The following MMRN1 variants were observed in gnomAD, a reference collection of about 807,000 sequenced individuals.
The protein encoded by MMRN1 is multimerin 1, also known as multimerin-1.
Under a neutral mutation model 100.7 loss-of-function variants are expected in MMRN1, and 94 were observed. The ratio of observed to expected loss-of-function variants is 0.93; its 90% CI spans 0.79 to 1.11. The LOEUF (loss-of-function observed/expected upper bound fraction) is 1.11, where lower values mean the gene tolerates loss of function less well. Among genes scored for constraint, MMRN1 ranks in the 50% least tolerant of loss-of-function variants. The pLI, the probability that MMRN1 is intolerant of heterozygous loss-of-function variation, is 0.00. For synonymous variants in MMRN1, 575 were observed against 505.0 expected (o/e 1.14, Z -1.86); for missense variants, 1,606 against 1,439.1 (o/e 1.12, Z -1.88).
At chr4:89,884,322 G>T (rs754036979) in intron 1 of MMRN1, among the ~76,000 whole-genome samples, 1 of 152,026 alleles carries the variant, frequency 6.6e-6, no homozygotes. Flanking sequence ...AAGTTTTCCA[G>T]TCCTTGAACT....
chr4:89,924,543 TA>T (rs1347488928), intron 4 of MMRN1, among the ~76,000 whole-genome samples: 6 of 151,474 alleles, frequency 4.0e-5, no homozygotes, highest in Non-Finnish European at 7.4e-5. Context: ...AATTTTTAAT[TA>T]AAAATTTAAG....
At chr4:89,947,475 T>C (rs1417821006) in intron 6 of MMRN1, among the ~76,000 whole-genome samples, 1 of 152,182 alleles carries the variant, frequency 6.6e-6, no homozygotes, top group African/African-American at 2.4e-5. Context: ...TTTCTATATG[T>C]CAGGCACTGT....
At chr4:89,925,558 G>GCC (rs2110618570) in intron 4 of MMRN1, among the ~76,000 whole-genome samples, 1 of 151,428 alleles carries the variant, frequency 6.6e-6, no homozygotes, top group East Asian at 1.9e-4. Flanking sequence ...TAGGCTGGGT[G>GCC]TGGTGGCTCA....
chr4:89,914,906 C>T (rs1198046365), intron 3 of MMRN1, among the ~76,000 whole-genome samples: 1 of 151,402 alleles, frequency 6.6e-6, no homozygotes, highest in Non-Finnish European at 1.5e-5. Context: ...ATGAAGAAAA[C>T]TTGTTTGCAA....
chr4:89,953,268 T>A lies in MMRN1; in HGVS notation c.3537T>A (p.Ser1179Arg). The part of the protein sequence containing the change: ...KLAFESENIN[S>R]EIHCDRVLTG... ...CATTTGAGTCTGAAAATATTAACAG[T>A]GAAATACACTGTGATAGGGTTTTAA... Residue 1179 changes from serine to arginine, a missense_variant, in exon 8 of 8, where the codon AGT becomes AGA. Ser to Arg is a moderately radical substitution (Grantham distance 110, BLOSUM62 -1). Transcript: ENST00000264790. 2 of 1,613,894 alleles carry A rather than the reference T, an allele frequency of 1.2e-6. No individual in the cohort carries two copies. Among genetic ancestry groups the A allele is most frequent in the Non-Finnish European group, 1.7e-6 (2 of 1,179,856 alleles).
chr4:89,949,173 T>A (rs1335474293), intron 6 of MMRN1, among the ~76,000 whole-genome samples: 1 of 152,164 alleles, frequency 6.6e-6, no homozygotes, highest in Non-Finnish European at 1.5e-5. Context: ...CCAACAGCAA[T>A]GCAGATAAAT....
At chr4:89,904,362 A>T (rs1721490684) in intron 1 of MMRN1, among the ~76,000 whole-genome samples, 1 of 151,766 alleles carries the variant, frequency 6.6e-6, no homozygotes, top group Non-Finnish European at 1.5e-5. Flanking sequence ...ATTGTTTTGC[A>T]GTCATCACTG....
In MMRN1 at chr4:89,911,983, T is replaced by C. The variant is rs748544260; in HGVS notation, c.783T>C (p.His261=). ...CCAATCCTGTCTATAGGATGCAACA[T>C]AAAATTGTCACCTCATTGGATTGGA... ...KISNPVYRMQ[H]KIVTSLDWRC... Residue 261 remains histidine (H), a synonymous_variant, in exon 3 of 8, where the codon CAT becomes CAC. Coordinates refer to ENST00000264790, the MANE Select transcript of MMRN1 (RefSeq NM_007351.3). 1.0e-5 allele frequency: 16 copies of C among 1,604,554 alleles called. No homozygotes were observed. Among genetic ancestry groups the C allele is most frequent in the Non-Finnish European group, 1.3e-5 (15 of 1,174,320 alleles).
rs1722573933 is a variant in MMRN1 at position 89,935,274 on chromosome 4, G to A, written c.1594G>A (p.Ala532Thr). 1 of 1,613,732 alleles carries A rather than the reference G, an allele frequency of 6.2e-7. No individual in the cohort carries two copies. Among genetic ancestry groups the A allele is most frequent in the East Asian group, 2.2e-5 (1 of 44,846 alleles). The stretch of plus-strand genomic sequence containing the variant: ...TGAACAGGTATCAGACCAGAAGAAT[G>A]CTCCAGCTGCTGAGTCAGTTAGCAA... The part of the protein sequence containing the change: ...STEQVSDQKN[A>T]PAAESVSNNV... The change falls in exon 6 of 8, where the codon GCT becomes ACT. Residue 532 changes from alanine to threonine, a missense_variant. Coordinates refer to ENST00000264790, the MANE Select transcript of MMRN1 (RefSeq NM_007351.3).
chr4:89,929,005 C>T (rs565622806), intron 5 of MMRN1, among the ~76,000 whole-genome samples: 2 of 152,148 alleles, frequency 1.3e-5, no homozygotes, highest in East Asian at 1.9e-4. Flanking sequence ...CCACTTGACA[C>T]TTGCAACAAA....
chr4:89,897,186 G>A (rs558373133), intron 1 of MMRN1, among the ~76,000 whole-genome samples: 41 of 151,870 alleles, frequency 2.7e-4, no homozygotes, highest in African/African-American at 9.4e-4. Context: ...AAACGATTGT[G>A]AGCTTTTCAG....
chr4:89,923,070 CG>C (rs34848559), intron 3 of MMRN1, 97 bp from the exon 4 acceptor site: 7 of 961,416 alleles, frequency 7.3e-6, no homozygotes, highest in Non-Finnish European at 1.1e-5. Flanking sequence ...CTTCAGTACG[CG>C]GGAAAATGAA....
At chr4:89,901,229 C>A (rs1721376341) in intron 1 of MMRN1, among the ~76,000 whole-genome samples, 1 of 149,464 alleles carries the variant, frequency 6.7e-6, no homozygotes, top group African/African-American at 2.5e-5. Flanking sequence ...GTGTTTGTTT[C>A]TTATAATATT....
Position 89,952,986 on chromosome 4 carries a change from TCCTCTAACAGA to T in MMRN1, c.3266-10_3266del. The stretch of plus-strand genomic sequence containing the variant: ...ATGAAAATTAACTCTTGCCATTTTT[TCCTCTAACAGA>T]TTTTTCCAAAGGATCTTACAGATAT... On this transcript the variant is annotated splice_acceptor_variant and splice_polypyrimidine_tract_variant and coding_sequence_variant and intron_variant, in exon 8 of 8. Transcript: ENST00000264790. LOFTEE classifies it high-confidence loss of function. 2 of 1,550,722 alleles carry T rather than the reference TCCTCTAACAGA, an allele frequency of 1.3e-6. No individual in the cohort carries two copies. The highest frequency in any genetic ancestry group is 1.7e-6 in the Non-Finnish European group (2 of 1,150,358).
chr4:89,902,554 C>T (rs1003291921), intron 1 of MMRN1, among the ~76,000 whole-genome samples: 1 of 151,926 alleles, frequency 6.6e-6, no homozygotes, highest in Admixed American at 6.6e-5. Flanking sequence ...ACATTCGGCT[C>T]GTTCTCATAA....
chr4:89,914,075 T>C (rs76707913), intron 3 of MMRN1, among the ~76,000 whole-genome samples: 3,828 of 151,374 alleles, frequency 0.025, 82 homozygotes, highest in Non-Finnish European at 0.039. Context: ...GGAACTACTG[T>C]GTCCTTTGTC....
chr4:89,888,352 C>T (rs1450700207), intron 1 of MMRN1, among the ~76,000 whole-genome samples: 1 of 151,458 alleles, frequency 6.6e-6, no homozygotes, highest in Non-Finnish European at 1.5e-5. Context: ...CCTTTGAGCA[C>T]TTTAAAGATG....
chr4:89,936,864 T>C, intron 6 of MMRN1, 66 bp downstream of exon 6: 2 of 1,413,750 alleles, frequency 1.4e-6, no homozygotes, highest in Admixed American at 2.5e-5. Flanking sequence ...AATAGATCTG[T>C]ACAGTTGAGC....
At chr4:89,936,991 AC>A (rs1722667718) in intron 6 of MMRN1, among the ~76,000 whole-genome samples, 193 bp downstream of exon 6, 1 of 152,064 alleles carries the variant, frequency 6.6e-6, no homozygotes, top group South Asian at 2.1e-4. Flanking sequence ...TCAATACAAA[AC>A]AAATATTTCT....
Sources: allele counts gnomAD v4.1 joint callset (sites outside exome capture counted in the v4.1 genomes callset), GRCh38; gene constraint gnomAD v4.1.1; transcripts MANE v1.5; gene names NCBI Gene and HGNC (gene_info 2026-07-23, HGNC 2026-07-21).